The following OR6C2 variants were observed in gnomAD, a reference collection of about 807,000 sequenced individuals.
OR6C2 encodes olfactory receptor family 6 subfamily C member 2.
For synonymous variants in OR6C2, 146 were observed against 134.2 expected (o/e 1.09, Z -0.61); for missense variants, 435 against 365.8 (o/e 1.19, Z -1.54).
chr12:55,452,438 CA>C lies in OR6C2; in HGVS notation c.226del (p.Ile76PhefsTer59). On this transcript the variant is annotated frameshift_variant, in exon 2 of 2. Coordinates refer to ENST00000641202, the MANE Select transcript of OR6C2 (RefSeq NM_054105.2). LOFTEE classifies it low-confidence loss of function (END_TRUNC). ...TAGAAGTCTCATTTACTACAGTCTG[CA>C]TTCCCAGATTCTTGTACAATATATC... ...FLEVSFTTVC[I>X]PRFLYNISMG... The C allele has an allele frequency of 6.2e-7, 1 of 1,613,174 alleles. No individual in the cohort carries two copies.
In OR6C2 at chr12:55,452,225, C is replaced by T; in HGVS notation, c.12C>T (p.His4=). The change falls in exon 2 of 2, where the codon CAC becomes CAT. Residue 4 remains histidine, a synonymous_variant. Coordinates refer to ENST00000641202, the MANE Select transcript of OR6C2 (RefSeq NM_054105.2). The part of the protein sequence containing the change: MKN[H]TVIRTFILLG... ...ATCAAAGAACAGTGATGAAAAACCA[C>T]ACAGTAATAAGAACTTTTATCCTGC... is the stretch of plus-strand genomic sequence containing the variant. 6.4e-7 allele frequency: 1 copy of T among 1,566,628 alleles called. No individual in the cohort carries two copies. The highest frequency in any genetic ancestry group is 8.6e-7 in the Non-Finnish European group (1 of 1,157,092).
intron 1 of OR6C2, among the ~76,000 whole-genome samples, chr12:55,449,665 G>A (rs1045892230): frequency 2.0e-5 from 3 of 151,414 alleles, no homozygotes; most frequent in Non-Finnish European, 3.0e-5. Flanking sequence ...GGAAAACAGA[G>A]AGTAAAACAA....
chr12:55,448,604 T>C (rs1251410650), intron 1 of OR6C2, among the ~76,000 whole-genome samples: 2 of 126,524 alleles, frequency 1.6e-5, no homozygotes, highest in African/African-American at 6.1e-5. Flanking sequence ...CCTACCCACA[T>C]ATCTTTTACC....
chr12:55,452,105 G>T lies in OR6C2; in HGVS notation c.-109G>T. 1 of 615,824 alleles carries T rather than the reference G, an allele frequency of 1.6e-6. No homozygotes were observed. The highest frequency in any genetic ancestry group is 2.8e-6 in the Non-Finnish European group (1 of 356,394). The allele number at this position is 615,824 out of a possible 1,614,324, so 38.1% of individuals were successfully genotyped here. ...TAAAGGGAGAAAATAAAAGTAGGCT[G>T]GTCAGCTTGGCTTCTAGATGCATAT... On this transcript the variant is annotated 5_prime_UTR_variant, in exon 2 of 2. Coordinates refer to ENST00000641202, the MANE Select transcript of OR6C2 (RefSeq NM_054105.2).
chr12:55,449,024 G>A (rs1871419342), intron 1 of OR6C2, among the ~76,000 whole-genome samples: 1 of 151,934 alleles, frequency 6.6e-6, no homozygotes, highest in African/African-American at 2.4e-5. Flanking sequence ...TGTAGAAAGA[G>A]ATGGGTGGAA....
At chr12:55,446,971 A>G (rs891361993) in intron 1 of OR6C2, among the ~76,000 whole-genome samples, 1 of 152,116 alleles carries the variant, frequency 6.6e-6, no homozygotes, top group African/African-American at 2.4e-5. Flanking sequence ...CAGAACAAGT[A>G]TTCTATCTCC....
chr12:55,449,898 C>T (rs1871434908), intron 1 of OR6C2, among the ~76,000 whole-genome samples: 1 of 151,694 alleles, frequency 6.6e-6, no homozygotes, highest in South Asian at 2.1e-4. Flanking sequence ...ATTTGCAGAA[C>T]TTTGAATTGA....
intron 1 of OR6C2, among the ~76,000 whole-genome samples, chr12:55,451,114 A>G (rs911040528): frequency 9.9e-5 from 15 of 152,014 alleles, no homozygotes; most frequent in African/African-American, 2.7e-4. Flanking sequence ...ATTAAATAAG[A>G]CATCATGGAG....
At chr12:55,451,043 C>G (rs576416685) in intron 1 of OR6C2, among the ~76,000 whole-genome samples, 86 of 131,228 alleles carry the variant, frequency 6.6e-4, no homozygotes, top group African/African-American at 2.4e-3. Flanking sequence ...TAATTTTATG[C>G]GTACATAGCA....
chr12:55,448,757 A>G (rs1871414927), intron 1 of OR6C2, among the ~76,000 whole-genome samples: 1 of 151,548 alleles, frequency 6.6e-6, no homozygotes, highest in South Asian at 2.1e-4. Context: ...ATGCTGTAGT[A>G]TTTTAGGTGG....
intron 1 of OR6C2, among the ~76,000 whole-genome samples, chr12:55,445,096 T>C (rs1378298241): frequency 6.6e-6 from 1 of 152,172 alleles, no homozygotes; most frequent in Non-Finnish European, 1.5e-5. Flanking sequence ...GTTTTAGTTT[T>C]ATGGATTTCT....
rs1182265958 is a variant in OR6C2, at chr12:55,452,501, C to T, written c.288C>T (p.Ala96=). The change falls in exon 2 of 2, where the codon GCC becomes GCT. Residue 96 remains alanine (A), a synonymous_variant. Coordinates refer to ENST00000641202, the MANE Select transcript of OR6C2 (RefSeq NM_054105.2). ...GDNTITYNAC[A]SQIFFVILFG... ...ATACCATTACCTACAATGCTTGTGC[C>T]AGTCAAATATTCTTTGTTATTCTCT... The T allele has an allele frequency of 1.2e-6, 2 of 1,613,786 alleles. No individual in the cohort carries two copies. Among genetic ancestry groups the T allele is most frequent in the Admixed American group, 1.7e-5 (1 of 59,972 alleles).
In OR6C2 at chr12:55,450,105, T is replaced by A. The variant is rs538889512; in HGVS notation, c.-887-1222T>A. On this transcript the variant is annotated intron_variant, in intron 1 of 1. Transcript: ENST00000641202. Reference sequence around the variant, plus strand: ...TACATAGGCCAGATATAAGAGAAAATAAGGATATATAAAATATTGTCTCTA... The same window carrying A: ...TACATAGGCCAGATATAAGAGAAAAAAAGGATATATAAAATATTGTCTCTA... Among the ~76,000 whole-genome samples, 8 of 151,968 alleles carry A rather than the reference T, an allele frequency of 5.3e-5. No homozygotes were observed. In the East Asian group the frequency reaches 1.4e-3, roughly 26 times the overall value.
rs1871488915 is a variant in OR6C2 at position 55,452,250 on chromosome 12, C to A, written c.37C>A (p.Leu13Met). 6.2e-7 allele frequency: 1 copy of A among 1,607,230 alleles called. No homozygotes were observed. Among genetic ancestry groups the A allele is most frequent in the East Asian group, 2.2e-5 (1 of 44,836 alleles). The change falls in exon 2 of 2, where the codon CTG becomes ATG. Residue 13 changes from leucine to methionine, a missense_variant. Coordinates refer to ENST00000641202, the MANE Select transcript of OR6C2 (RefSeq NM_054105.2). ...CACAGTAATAAGAACTTTTATCCTG[C>A]TGGGACTGACAGGTGACCCACACCT... ...NHTVIRTFIL[L>M]GLTGDPHLQV...
At chr12:55,445,477 A>T (rs988594211) in intron 1 of OR6C2, among the ~76,000 whole-genome samples, 1 of 152,236 alleles carries the variant, frequency 6.6e-6, no homozygotes, top group Non-Finnish European at 1.5e-5. Flanking sequence ...AAGGAGATAC[A>T]ATTTCATTGA....
chr12:55,445,993 G>A (rs759379198), intron 1 of OR6C2, among the ~76,000 whole-genome samples: 6 of 152,126 alleles, frequency 3.9e-5, no homozygotes, highest in Admixed American at 2.0e-4. Context: ...CTATACTTGT[G>A]ACAAATGTCT....
chr12:55,451,968 A>G lies in OR6C2; in HGVS notation c.-246A>G, dbSNP rs1871481470. 2.6e-6 allele frequency: 1 copy of G among 377,936 alleles called. No homozygotes were observed. The highest frequency in any genetic ancestry group is 4.7e-6 in the Non-Finnish European group (1 of 211,830). The allele number at this position is 377,936 out of a possible 1,614,324, so 23.4% of individuals were successfully genotyped here. A position where few individuals can be genotyped will look rare whatever the true frequency, so the allele number is the denominator to read the frequency against. ...AAATTCTGATGGATAAGGAATGATC[A>G]AAGAAAAAGTTGGATTGTTTTACAA... On this transcript the variant is annotated 5_prime_UTR_variant, in exon 2 of 2. Coordinates refer to ENST00000641202, the MANE Select transcript of OR6C2 (RefSeq NM_054105.2).
chr12:55,444,652 C>G (rs542114695), intron 1 of OR6C2, among the ~76,000 whole-genome samples: 1 of 152,192 alleles, frequency 6.6e-6, no homozygotes, highest in South Asian at 2.1e-4. Context: ...CTGCACAAGA[C>G]GATCAAGGCG....
At position 55,452,834 on chromosome 12, in the gene OR6C2, C is replaced by A; in HGVS notation, c.621C>A (p.Ile207=). 6.2e-7 allele frequency: 1 copy of A among 1,613,810 alleles called. No homozygotes were observed. Among genetic ancestry groups the A allele is most frequent in the South Asian group, 1.1e-5 (1 of 91,070 alleles). The part of the protein sequence containing the change: ...VILMAVFALI[I]TLVCVILSYL... ...TTATGGCTGTATTTGCACTCATTAT[C>A]ACCCTAGTTTGTGTGATTCTGTCCT... Residue 207 remains isoleucine (I), a synonymous_variant, in exon 2 of 2, where the codon ATC becomes ATA. Coordinates refer to ENST00000641202, the MANE Select transcript of OR6C2 (RefSeq NM_054105.2).
Sources: gnomAD v4.1 joint callset for allele counts (sites outside exome capture counted in the v4.1 genomes callset) on GRCh38, gnomAD v4.1.1 for gene constraint, MANE v1.5 for transcripts, NCBI Gene and HGNC (gene_info 2026-07-23, HGNC 2026-07-21) for gene names.